Variants in MARCHF11 observed in about 807,000 individuals in gnomAD.
The protein encoded by MARCHF11 is E3 ubiquitin-protein ligase MARCHF11.
In MARCHF11, 29 loss-of-function variants were observed where a neutral mutation model predicts 37.3. The observed-to-expected ratio is 0.78, with a 90% confidence interval of 0.58 to 1.06. MARCHF11 has a LOEUF of 1.06. Among genes scored for constraint, MARCHF11 ranks in the 50% least tolerant of loss-of-function variants. The probability of loss-of-function intolerance (pLI) is 0.00; values close to 1 mark genes in which losing one functional copy is unlikely to be tolerated. For synonymous variants in MARCHF11, 233 were observed against 228.0 expected, an observed-to-expected ratio of 1.02 and a Z score of -0.20; for missense variants, 482 against 533.4, an observed-to-expected ratio of 0.90 and a Z score of 0.95.
chr5:16,114,319 T>C (rs9312903), intron 2 of MARCHF11, among the ~76,000 whole-genome samples: 6,980 of 152,270 alleles, frequency 0.046, 438 homozygotes, highest in African/African-American at 0.15. Flanking sequence ...GTCTTACTTT[T>C]CACAGAGCTA....
chr5:16,112,021 G>A (rs181112837), intron 2 of MARCHF11, among the ~76,000 whole-genome samples: 14 of 152,200 alleles, frequency 9.2e-5, no homozygotes, highest in Non-Finnish European at 1.3e-4. Flanking sequence ...GAACCTCCAC[G>A]TAGACTTCAG....
rs147996741 is a variant in MARCHF11 at position 16,100,563 on chromosome 5, G to T, written c.694-9482C>A. Among the ~76,000 whole-genome samples the T allele has an allele frequency of 1.4e-4, 22 of 152,312 alleles. No homozygotes were observed. The East Asian group carries it at 4.3e-3, about 29-fold the overall frequency. On this transcript the variant is annotated intron_variant, in intron 2 of 3. Transcript: ENST00000332432. ...ACTCTAAATGGCAGAGGTAGCTGTAGGTGGCCAGGGAACAGGACATGAGCA... is the reference window on the plus strand; with the variant it reads ...ACTCTAAATGGCAGAGGTAGCTGTATGTGGCCAGGGAACAGGACATGAGCA...
chr5:16,140,034 T>A (rs1737676452), intron 2 of MARCHF11, among the ~76,000 whole-genome samples: 2 of 152,112 alleles, frequency 1.3e-5, no homozygotes, highest in Non-Finnish European at 2.9e-5. Flanking sequence ...CCCTGCCATC[T>A]GTAAAATTTT....
intron 2 of MARCHF11, among the ~76,000 whole-genome samples, chr5:16,104,279 C>T (rs1737002493): frequency 6.6e-6 from 1 of 152,046 alleles, no homozygotes; most frequent in Admixed American, 6.6e-5. Flanking sequence ...TCCCCTTATC[C>T]CTCCTCCTCC....
chr5:16,084,071 A>G (rs960203605), intron 3 of MARCHF11, among the ~76,000 whole-genome samples: 6 of 152,206 alleles, frequency 3.9e-5, no homozygotes, highest in Non-Finnish European at 7.3e-5. Flanking sequence ...GATTACGTGA[A>G]ACTTTTAGCT....
At chr5:16,080,309 A>C (rs1736586095) in intron 3 of MARCHF11, among the ~76,000 whole-genome samples, 1 of 151,718 alleles carries the variant, frequency 6.6e-6, no homozygotes, top group Non-Finnish European at 1.5e-5. Flanking sequence ...CCTCCTCCTC[A>C]TGTGCCTGAC....
chr5:16,174,629 G>C (rs1399846664), intron 2 of MARCHF11, among the ~76,000 whole-genome samples: 2 of 152,192 alleles, frequency 1.3e-5, no homozygotes, highest in East Asian at 3.9e-4. Flanking sequence ...ATACTTGCTT[G>C]TGAAAGTGCT....
chr5:16,157,508 G>C (rs1429287328), intron 2 of MARCHF11, among the ~76,000 whole-genome samples: 2 of 151,808 alleles, frequency 1.3e-5, no homozygotes, highest in Admixed American at 6.6e-5. Flanking sequence ...TGGATGAATG[G>C]GACACAACAG....
At chr5:16,132,241 T>C (rs1017712777) in intron 2 of MARCHF11, among the ~76,000 whole-genome samples, 1 of 152,212 alleles carries the variant, frequency 6.6e-6, no homozygotes, top group African/African-American at 2.4e-5. Flanking sequence ...GAAATAAGTA[T>C]ACAGCTGAGA....
At chr5:16,068,745 C>T (rs988208033) in intron 3 of MARCHF11, among the ~76,000 whole-genome samples, 25 of 152,334 alleles carry the variant, frequency 1.6e-4, no homozygotes, top group East Asian at 9.7e-4. Flanking sequence ...CTTTTGAATT[C>T]GTGATCCCTC....
At chr5:16,122,887 G>A (rs1244952297) in intron 2 of MARCHF11, among the ~76,000 whole-genome samples, 1 of 152,118 alleles carries the variant, frequency 6.6e-6, no homozygotes, top group Non-Finnish European at 1.5e-5. Flanking sequence ...ACCTCCCCAG[G>A]AGCCACACTT....
intron 2 of MARCHF11, among the ~76,000 whole-genome samples, chr5:16,164,501 C>T (rs1327489433): frequency 2.0e-5 from 3 of 151,982 alleles, no homozygotes; most frequent in Admixed American, 6.6e-5. Flanking sequence ...AACACTTTGG[C>T]CCATATGTGT....
At chr5:16,103,347 G>C (rs1256822393) in intron 2 of MARCHF11, among the ~76,000 whole-genome samples, 4 of 152,120 alleles carry the variant, frequency 2.6e-5, no homozygotes, top group Admixed American at 6.5e-5. Context: ...ATGTGCACAG[G>C]ACGGTGTGTT....
At chr5:16,137,712 T>C (rs78826401) in intron 2 of MARCHF11, among the ~76,000 whole-genome samples, 1 of 152,218 alleles carries the variant, frequency 6.6e-6, no homozygotes, top group African/African-American at 2.4e-5. Flanking sequence ...GACCAAAAAG[T>C]CCAGTCTGAG....
intron 2 of MARCHF11, among the ~76,000 whole-genome samples, chr5:16,153,950 G>A (rs1737928662): frequency 6.6e-6 from 1 of 151,844 alleles, no homozygotes; most frequent in African/African-American, 2.4e-5. Context: ...GTGATGTCTG[G>A]AGCTAAAGCA....
Position 16,177,825 on chromosome 5 carries a change from C to T in MARCHF11, c.594G>A (p.Leu198=), listed in dbSNP as rs777949296. 4.3e-6 allele frequency: 7 copies of T among 1,613,548 alleles called. No homozygotes were observed. Among genetic ancestry groups the T allele is most frequent in the South Asian group, 3.3e-5 (3 of 91,012 alleles). ...TCTCACTGATCCATTTTAGCAGGCA[C>T]AGCTGATGTGTATACCGAACTGACC... ...CDGSVRYTHQ[L]CLLKWISERG... is the part of the protein sequence containing the mutation. The change falls in exon 2 of 4, where the codon CTG becomes CTA. Residue 198 remains leucine, a synonymous_variant. Transcript: ENST00000332432.
chr5:16,097,078 C>T (rs867206025), intron 2 of MARCHF11, among the ~76,000 whole-genome samples: 11 of 152,172 alleles, frequency 7.2e-5, no homozygotes, highest in African/African-American at 2.7e-4. Flanking sequence ...GATCACTCAA[C>T]AGTGTCACAG....
chr5:16,139,239 C>T (rs1737663423), intron 2 of MARCHF11, among the ~76,000 whole-genome samples: 1 of 152,118 alleles, frequency 6.6e-6, no homozygotes, highest in African/African-American at 2.4e-5. Context: ...TTTTCCCATG[C>T]TGTTCTCATG....
At chr5:16,126,111 G>T (rs931075594) in intron 2 of MARCHF11, among the ~76,000 whole-genome samples, 1 of 152,136 alleles carries the variant, frequency 6.6e-6, no homozygotes, top group African/African-American at 2.4e-5. Flanking sequence ...AACAGTTACT[G>T]CTCACAATTA....
Sources: gnomAD v4.1 joint callset for allele counts (sites outside exome capture counted in the v4.1 genomes callset) on GRCh38, gnomAD v4.1.1 for gene constraint, MANE v1.5 for transcripts, NCBI Gene and HGNC (gene_info 2026-07-23, HGNC 2026-07-21) for gene names.